AUTS2: variants seen among roughly 807,000 people sequenced by gnomAD.
AUTS2 encodes activator of transcription and developmental regulator AUTS2.
AUTS2 carries 17 observed loss-of-function variants against 112.4 expected under a neutral mutation model. That is an observed-to-expected ratio of 0.15 (90% CI 0.10 to 0.23). The LOEUF is 0.23. AUTS2 is among the 10% of genes least tolerant of loss of function. The probability of loss-of-function intolerance (pLI) is 1.00; values close to 1 mark genes in which losing one functional copy is unlikely to be tolerated. For synonymous variants in AUTS2, 751 were observed against 702.7 expected (o/e 1.07, Z -1.09); for missense variants, 1,510 against 1,701.6 (o/e 0.89, Z 1.98).
At chr7:70,066,538 A>C (rs1393971673) in intron 2 of AUTS2, among the ~76,000 whole-genome samples, 1 of 134,516 alleles carries the variant, frequency 7.4e-6, no homozygotes, top group East Asian at 2.2e-4. Flanking sequence ...ATACCCAGTA[A>C]ATTTTTTTTT....
At chr7:70,037,703 C>T (rs1245475544) in intron 2 of AUTS2, among the ~76,000 whole-genome samples, 2 of 151,986 alleles carry the variant, frequency 1.3e-5, no homozygotes, top group African/African-American at 2.4e-5. Flanking sequence ...ACTAAAAATA[C>T]GGTAATTGAG....
intron 1 of AUTS2, among the ~76,000 whole-genome samples, chr7:69,849,197 G>C (rs982772233): frequency 1.3e-5 from 2 of 152,140 alleles, no homozygotes; most frequent in African/African-American, 2.4e-5. Context: ...ACAACAAGAC[G>C]TGGGGTCCAG....
chr7:70,404,168 G>T (rs1272792025), intron 4 of AUTS2, among the ~76,000 whole-genome samples: 2 of 152,180 alleles, frequency 1.3e-5, no homozygotes, highest in South Asian at 2.1e-4. Context: ...TGGGCAGAGG[G>T]TGTTGTGGAG....
At chr7:70,783,161 A>G (rs1791202653) in intron 15 of AUTS2, 1 of 152,216 alleles carries the variant, frequency 6.6e-6, no homozygotes, top group Non-Finnish European at 1.5e-5. Flanking sequence ...TGAAGCATTA[A>G]TTAGCTTGCA....
At chr7:70,553,843 T>C (rs1307054684) in intron 5 of AUTS2, among the ~76,000 whole-genome samples, 1 of 140,050 alleles carries the variant, frequency 7.1e-6, no homozygotes, top group African/African-American at 2.7e-5. Context: ...TTCGGCTCAC[T>C]GCAACCTCCG....
chr7:70,127,156 G>C (rs982527143), intron 3 of AUTS2, among the ~76,000 whole-genome samples: 1 of 151,408 alleles, frequency 6.6e-6, no homozygotes, highest in Non-Finnish European at 1.5e-5. Flanking sequence ...TCCTACCTTT[G>C]CTTATTCTTT....
intron 4 of AUTS2, among the ~76,000 whole-genome samples, chr7:70,210,008 A>C (rs1254573908): frequency 1.3e-5 from 2 of 152,188 alleles, no homozygotes; most frequent in Non-Finnish European, 2.9e-5. Context: ...ATAAGGGACA[A>C]GATTTTTAAA....
intron 4 of AUTS2, among the ~76,000 whole-genome samples, chr7:70,139,004 C>T (rs996233926): frequency 6.6e-6 from 1 of 152,164 alleles, no homozygotes; most frequent in Non-Finnish European, 1.5e-5. Flanking sequence ...CTCACTGTGT[C>T]ACCCAGGCCA....
At chr7:70,471,059 G>C (rs1175016710) in intron 5 of AUTS2, among the ~76,000 whole-genome samples, 5 of 152,168 alleles carry the variant, frequency 3.3e-5, no homozygotes, top group Non-Finnish European at 7.3e-5. Context: ...GGGACAGTTA[G>C]AGTTATGCAG....
chr7:70,045,525 A>G (rs1584631013), intron 2 of AUTS2, among the ~76,000 whole-genome samples: 1 of 151,878 alleles, frequency 6.6e-6, no homozygotes, highest in East Asian at 1.9e-4. Flanking sequence ...TTTACTTTTT[A>G]AAATGTGACT....
intron 1 of AUTS2, among the ~76,000 whole-genome samples, chr7:69,763,238 G>C (rs561789418): frequency 9.2e-5 from 14 of 152,160 alleles, no homozygotes; most frequent in Non-Finnish European, 1.9e-4. Flanking sequence ...CTGCTGTGCT[G>C]AAAAGCCTGG....
intron 1 of AUTS2, among the ~76,000 whole-genome samples, chr7:69,827,214 C>T (rs1212679250): frequency 1.3e-5 from 2 of 152,140 alleles, no homozygotes; most frequent in Non-Finnish European, 2.9e-5. Context: ...CTCCTCTTTT[C>T]TCCCTCTTAT....
chr7:69,717,357 G>A (rs1157486780), intron 1 of AUTS2, among the ~76,000 whole-genome samples: 1 of 152,182 alleles, frequency 6.6e-6, no homozygotes, highest in Non-Finnish European at 1.5e-5. Context: ...ATTCCTGGTG[G>A]CATTTGCCAC....
chr7:70,157,816 GA>G (rs1207282759), intron 4 of AUTS2, among the ~76,000 whole-genome samples: 9 of 152,266 alleles, frequency 5.9e-5, no homozygotes, highest in Middle Eastern at 6.8e-3. Flanking sequence ...TGGGGACTTT[GA>G]AAATTCCACC....
At chr7:70,737,454 CTCTGTTATTTGTAGTGCAAGA>C (rs1052231469) in intron 6 of AUTS2, among the ~76,000 whole-genome samples, 2 of 152,302 alleles carry the variant, frequency 1.3e-5, no homozygotes, top group African/African-American at 4.8e-5. Context: ...ACCCAGTTTG[CTCTGTTATTTGTAGTGCAAGA>C]TAGAAATATC....
chr7:70,739,394 C>T (rs1054440512), intron 6 of AUTS2, among the ~76,000 whole-genome samples: 5 of 149,636 alleles, frequency 3.3e-5, no homozygotes, highest in Admixed American at 2.7e-4. Context: ...TGCCCAGGCC[C>T]CTCTCAAACT....
At chr7:69,777,646 C>A (rs749619846) in intron 1 of AUTS2, among the ~76,000 whole-genome samples, 10 of 152,150 alleles carry the variant, frequency 6.6e-5, no homozygotes, top group South Asian at 2.1e-4. Flanking sequence ...CAATAGGTGA[C>A]CAGTAAGTGT....
At chr7:70,189,608 A>T (rs1158076742) in intron 4 of AUTS2, among the ~76,000 whole-genome samples, 2 of 152,204 alleles carry the variant, frequency 1.3e-5, no homozygotes, top group Admixed American at 6.5e-5. Flanking sequence ...TTGCCTGCCT[A>T]AGTCTCAGTT....
At position 70,164,242 on chromosome 7, in the gene AUTS2, TAGATGTAATTGTTATA is replaced by T. The variant is rs545077174; in HGVS notation, c.660+29690_660+29705del. ...ACTTGTAAGATGTAGTTGTTATAAG[TAGATGTAATTGTTATA>T]AGATGTAATTGTTATAAGTAGTAAA... On this transcript the variant is annotated intron_variant, in intron 4 of 18. Transcript: ENST00000342771. 4.5e-3 allele frequency among the ~76,000 whole-genome samples: 692 copies of T among 152,350 alleles called. 5 individuals carry two copies. The highest frequency in any genetic ancestry group is 0.014 in the Middle Eastern group (4 of 292).
Sources: allele counts gnomAD v4.1 joint callset (sites outside exome capture counted in the v4.1 genomes callset), GRCh38; gene constraint gnomAD v4.1.1; transcripts MANE v1.5; gene names NCBI Gene and HGNC (gene_info 2026-07-23, HGNC 2026-07-21).